BMP8B: variants seen among roughly 807,000 people sequenced by gnomAD.
The protein encoded by BMP8B is bone morphogenetic protein 8b, also known as bone morphogenetic protein 8 (osteogenic protein 2).
In BMP8B, 17 loss-of-function variants were observed where a neutral mutation model predicts 30.3. That is an observed-to-expected ratio of 0.56 (90% CI 0.38 to 0.84). The LOEUF (loss-of-function observed/expected upper bound fraction) is 0.84. Ranked by LOEUF, BMP8B falls within the 40% of genes least tolerant of loss-of-function variation. BMP8B has a pLI of 0.00. For synonymous variants in BMP8B, 131 were observed against 214.7 expected, an observed-to-expected ratio of 0.61 and a Z score of 3.41; for missense variants, 253 against 494.6, an observed-to-expected ratio of 0.51 and a Z score of 4.63.
In BMP8B at chr1:39,760,054, T is replaced by C; in HGVS notation, c.*365A>G. ...CAGTGGGCTCCAGGTGCCTCTCAGG[T>C]CATTCCACATCTATCTCACGACCTG... On this transcript the variant is annotated 3_prime_UTR_variant, in exon 7 of 7. Coordinates refer to ENST00000372827, the MANE Select transcript of BMP8B (RefSeq NM_001720.5). 1 of 270,148 alleles carries C rather than the reference T, an allele frequency of 3.7e-6. No individual in the cohort carries two copies. 16.7% of individuals were successfully genotyped at this position (270,148 alleles called of 1,614,324 possible).
intron 1 of BMP8B, among the ~76,000 whole-genome samples, chr1:39,781,359 G>A (rs187034330): frequency 3.9e-5 from 6 of 152,286 alleles, no homozygotes; most frequent in Admixed American, 3.9e-4. Flanking sequence ...TTTTGCTTCT[G>A]GTCTTGCCAC....
In BMP8B at chr1:39,769,001, A is replaced by G. The variant is rs1380953727; in HGVS notation, c.674-4184T>C. On this transcript the variant is annotated intron_variant, in intron 3 of 6. Transcript: ENST00000372827. Reference sequence around the variant, plus strand: ...CAAGACCAGCCTGGGCAACATGGTGAAACTCCATTTCTATAAATAAATTTA... The same window carrying G: ...CAAGACCAGCCTGGGCAACATGGTGGAACTCCATTTCTATAAATAAATTTA... 4.0e-5 allele frequency among the ~76,000 whole-genome samples: 6 copies of G among 150,036 alleles called. No homozygotes were observed. In the East Asian group the frequency reaches 1.2e-3, roughly 30 times the overall value.
At chr1:39,760,888 G>GCTCA (rs1303970134) in intron 6 of BMP8B, among the ~76,000 whole-genome samples, 17 of 152,218 alleles carry the variant, frequency 1.1e-4, no homozygotes, top group African/African-American at 3.6e-4. Context: ...GGAGAACTGT[G>GCTCA]TGGCCAGGTT....
chr1:39,763,886 T>C, intron 4 of BMP8B, 95 bp from the exon 5 acceptor site: 2 of 1,364,718 alleles, frequency 1.5e-6, no homozygotes, highest in South Asian at 1.3e-5. Flanking sequence ...ATGAGCACAT[T>C]TGTCAAATAA....
intron 3 of BMP8B, among the ~76,000 whole-genome samples, chr1:39,768,719 G>A (rs1649757158): frequency 6.7e-6 from 1 of 149,040 alleles, no homozygotes; most frequent in Non-Finnish European, 1.5e-5. Context: ...AAATTAGCTA[G>A]GCATGGTGGC....
At chr1:39,762,373 A>G (rs1458868264) in intron 6 of BMP8B, 4 of 1,125,070 alleles carry the variant, frequency 3.6e-6, no homozygotes, top group Non-Finnish European at 3.7e-6. Flanking sequence ...AGGGGAAAAC[A>G]TAAGGCTGTG....
intron 3 of BMP8B, among the ~76,000 whole-genome samples, chr1:39,768,192 T>A (rs71642699): frequency 0.13 from 19,610 of 150,670 alleles, 1,894 homozygotes; most frequent in South Asian, 0.21. Context: ...AAGTGGCCAG[T>A]TTGGGCCTCC....
intron 1 of BMP8B, among the ~76,000 whole-genome samples, chr1:39,775,365 G>GC (rs1650151804): frequency 1.3e-5 from 2 of 152,276 alleles, no homozygotes; most frequent in Non-Finnish European, 2.9e-5. Flanking sequence ...ATGAGACAGA[G>GC]GAGGGAGCCT....
At position 39,760,010 on chromosome 1, in the gene BMP8B, A is replaced by T. The variant is rs546296796; in HGVS notation, c.*409T>A. 3.5e-5 allele frequency: 8 copies of T among 226,612 alleles called. No individual in the cohort carries two copies. Among genetic ancestry groups the T allele is most frequent in the South Asian group, 1.5e-4 (2 of 13,786 alleles). 14.0% of individuals were successfully genotyped at this position (226,612 alleles called of 1,614,324 possible). On this transcript the variant is annotated 3_prime_UTR_variant, in exon 7 of 7. Transcript: ENST00000372827. ...ACACCACACCCTGTGATGGATGGTG[A>T]AGAGCTCAAGGTGGCCAACAGTGGG...
chr1:39,763,649 A>G, intron 5 of BMP8B, 63 bp downstream of exon 5: 1 of 1,542,782 alleles, frequency 6.5e-7, no homozygotes, highest in East Asian at 2.3e-5. Flanking sequence ...TCCTCCCTGC[A>G]GATTCACTTC....
At chr1:39,782,151 C>CAAA (rs58953661) in intron 1 of BMP8B, among the ~76,000 whole-genome samples, 2 of 126,504 alleles carry the variant, frequency 1.6e-5, no homozygotes, top group African/African-American at 5.8e-5. Context: ...AACTCCATCT[C>CAAA]AAAAAAAAAA....
At position 39,763,738 on chromosome 1, in the gene BMP8B, C is replaced by A; in HGVS notation, c.922G>T (p.Val308Phe). The change falls in exon 5 of 7, where the codon GTC becomes TTC. Residue 308 changes from valine to phenylalanine, a missense_variant. Val to Phe is a conservative substitution (Grantham distance 50). Coordinates refer to ENST00000372827, the MANE Select transcript of BMP8B (RefSeq NM_001720.5). Reference sequence around the variant, plus strand: ...AGCCAGCCGAGGTCCTGGAAGCTGACGTAGAGCTCGTGCCGACGGCAGACC... The same window carrying A: ...AGCCAGCCGAGGTCCTGGAAGCTGAAGTAGAGCTCGTGCCGACGGCAGACC... The part of the protein sequence containing the change: ...RQVCRRHELY[V>F]SFQDLGWLDW... 2 of 1,603,188 alleles carry A rather than the reference C, an allele frequency of 1.2e-6. No homozygotes were observed. Among genetic ancestry groups the A allele is most frequent in the Admixed American group, 1.7e-5 (1 of 59,706 alleles).
At chr1:39,780,890 C>G (rs1171547269) in intron 1 of BMP8B, among the ~76,000 whole-genome samples, 1 of 152,168 alleles carries the variant, frequency 6.6e-6, no homozygotes, top group Non-Finnish European at 1.5e-5. Context: ...AGCGAGACCC[C>G]ATCTCCAGCC....
chr1:39,779,476 G>A (rs1479469358), intron 1 of BMP8B, among the ~76,000 whole-genome samples: 1 of 152,220 alleles, frequency 6.6e-6, no homozygotes, highest in African/African-American at 2.4e-5. Flanking sequence ...GGAGAAAGAG[G>A]GGCTAGGTGA....
At chr1:39,787,380 T>C (rs931086808) in intron 1 of BMP8B, among the ~76,000 whole-genome samples, 9 of 152,290 alleles carry the variant, frequency 5.9e-5, no homozygotes, top group South Asian at 2.1e-4. Context: ...AGTAACTACA[T>C]GACCATAGAC....
chr1:39,778,103 T>C (rs1164341268), intron 1 of BMP8B, among the ~76,000 whole-genome samples: 1 of 152,252 alleles, frequency 6.6e-6, no homozygotes, highest in Non-Finnish European at 1.5e-5. Flanking sequence ...CCCCTGTGTT[T>C]CGGGGCCCCA....
chr1:39,763,803 G>A lies in BMP8B; in HGVS notation c.869-12C>T, dbSNP rs548736828. On this transcript the variant is annotated splice_polypyrimidine_tract_variant and intron_variant, in intron 4 of 6. Coordinates refer to ENST00000372827, the MANE Select transcript of BMP8B (RefSeq NM_001720.5). Reference sequence around the variant, plus strand: ...GCCGTGGACGTCATCTGCAGGGACAGAAGGGGCAAGGTCTTTTCTGGGGTT... The same window carrying A: ...GCCGTGGACGTCATCTGCAGGGACAAAAGGGGCAAGGTCTTTTCTGGGGTT... 1 of 1,598,766 alleles carries A rather than the reference G, an allele frequency of 6.3e-7. No homozygotes were observed. Among genetic ancestry groups the A allele is most frequent in the Non-Finnish European group, 8.5e-7 (1 of 1,170,438 alleles).
intron 3 of BMP8B, among the ~76,000 whole-genome samples, chr1:39,765,600 G>C (rs1328118910): frequency 6.8e-5 from 6 of 87,886 alleles, no homozygotes. Context: ...CTGTAAACGG[G>C]ATTGTCCCCC....
At chr1:39,785,395 C>A (rs1650901071) in intron 1 of BMP8B, among the ~76,000 whole-genome samples, 1 of 150,968 alleles carries the variant, frequency 6.6e-6, no homozygotes, top group East Asian at 2.0e-4. Context: ...CCAGGCAGGG[C>A]CCCGGCTCTG....
Sources: gnomAD v4.1 joint callset for allele counts (sites outside exome capture counted in the v4.1 genomes callset) on GRCh38, gnomAD v4.1.1 for gene constraint, MANE v1.5 for transcripts, NCBI Gene and HGNC (gene_info 2026-07-23, HGNC 2026-07-21) for gene names.